The following HDAC9 variants were observed in gnomAD, a reference collection of about 807,000 sequenced individuals.
HDAC9 encodes the protein histone deacetylase 9.
A neutral mutation model predicts 139.4 loss-of-function variants in HDAC9; 41 were observed. The ratio of observed to expected loss-of-function variants is 0.29; its 90% confidence interval spans 0.23 to 0.38. HDAC9 has a LOEUF of 0.38. Ranked by LOEUF, HDAC9 falls within the 10% of genes least tolerant of loss-of-function variation. The probability of loss-of-function intolerance (pLI) is 1.00; values close to 1 mark genes in which losing one functional copy is unlikely to be tolerated. For missense variants in HDAC9, 1,147 were observed against 1,297.0 expected, an observed-to-expected ratio of 0.88 and a Z score of 1.78; for synonymous variants, 517 against 476.2, an observed-to-expected ratio of 1.09 and a Z score of -1.12.
intron 1 of HDAC9, among the ~76,000 whole-genome samples, chr7:18,413,636 T>C (rs550496455): frequency 1.2e-4 from 18 of 152,172 alleles, no homozygotes; most frequent in Non-Finnish European, 2.4e-4. Flanking sequence ...TCTTACTTTA[T>C]ACAATTTGCT....
At chr7:18,980,373 C>A (rs1784823625) in intron 25 of HDAC9, among the ~76,000 whole-genome samples, 1 of 152,172 alleles carries the variant, frequency 6.6e-6, no homozygotes. Context: ...TCCTTCAATC[C>A]TATCCTCTTA....
At chr7:18,791,636 C>G (rs1216043047) in intron 16 of HDAC9, among the ~76,000 whole-genome samples, 4 of 152,102 alleles carry the variant, frequency 2.6e-5, no homozygotes, top group Admixed American at 2.6e-4. Context: ...GGGATGCTGG[C>G]TCCTAGAAAG....
intron 22 of HDAC9, among the ~76,000 whole-genome samples, chr7:18,893,570 C>A (rs779350888): frequency 1.1e-4 from 17 of 152,154 alleles, no homozygotes; most frequent in Non-Finnish European, 2.5e-4. Context: ...CTATGTATTT[C>A]AACTGCCCAA....
chr7:18,115,573 T>A (rs570186139), intron 1 of HDAC9, among the ~76,000 whole-genome samples: 3 of 152,338 alleles, frequency 2.0e-5, no homozygotes, highest in Non-Finnish European at 4.4e-5. Flanking sequence ...TTATTTTATA[T>A]CCTTGAGGGA....
At chr7:18,444,911 T>C (rs1792150663) in intron 1 of HDAC9, among the ~76,000 whole-genome samples, 1 of 152,212 alleles carries the variant, frequency 6.6e-6, no homozygotes, top group African/African-American at 2.4e-5. Context: ...ATAGAAAATA[T>C]TATCTTTCTC....
intron 22 of HDAC9, among the ~76,000 whole-genome samples, chr7:18,903,213 G>C (rs1563040704): frequency 1.3e-5 from 2 of 152,194 alleles, no homozygotes; most frequent in Non-Finnish European, 2.9e-5. Flanking sequence ...ACCTGCATTT[G>C]GGTCCTGACT....
intron 12 of HDAC9, among the ~76,000 whole-genome samples, chr7:18,711,168 T>C (rs1784316870): frequency 6.6e-6 from 1 of 152,200 alleles, no homozygotes; most frequent in Admixed American, 6.5e-5. Context: ...ATTCAAAAGA[T>C]GGGGCAACTG....
At chr7:18,740,725 G>A (rs1787370781) in intron 13 of HDAC9, among the ~76,000 whole-genome samples, 1 of 152,240 alleles carries the variant, frequency 6.6e-6, no homozygotes, top group South Asian at 2.1e-4. Context: ...TAGTGAGGAA[G>A]TCATGTCAAA....
At chr7:18,484,525 T>C (rs1213880051) in intron 1 of HDAC9, among the ~76,000 whole-genome samples, 1 of 152,142 alleles carries the variant, frequency 6.6e-6, no homozygotes, top group African/African-American at 2.4e-5. Context: ...AGTTTTTGAA[T>C]ATTATGTCTG....
chr7:18,169,126 G>A (rs1023041920), intron 2 of HDAC9, among the ~76,000 whole-genome samples: 2 of 151,748 alleles, frequency 1.3e-5, no homozygotes, highest in Non-Finnish European at 2.9e-5. Context: ...TAGTAGAGAT[G>A]GGGTTTCACC....
At chr7:18,780,261 C>G (rs1791133026) in intron 16 of HDAC9, among the ~76,000 whole-genome samples, 1 of 152,016 alleles carries the variant, frequency 6.6e-6, no homozygotes, top group Admixed American at 6.6e-5. Flanking sequence ...CTCTGGGGAT[C>G]AAATATGTCA....
At chr7:18,462,490 T>C (rs111390473) in intron 1 of HDAC9, among the ~76,000 whole-genome samples, 1,668 of 152,136 alleles carry the variant, frequency 0.011, 30 homozygotes, top group African/African-American at 0.038. Context: ...ATAATGCCAG[T>C]GCATTAGAAT....
rs1047888884 is a variant in HDAC9, at chr7:18,935,327, A to C, written c.2804-482A>C. On this transcript the variant is annotated intron_variant, in intron 22 of 25. Coordinates refer to ENST00000686413, the MANE Select transcript of HDAC9 (RefSeq NM_178425.4). ...TAATGCTTATAAAATCTAATGTAAT[A>C]GATTTTACATTACATTAGATAATGT... Among the ~76,000 whole-genome samples the C allele has an allele frequency of 3.3e-4, 50 of 152,200 alleles. 1 individual carries two copies. Among genetic ancestry groups the C allele is most frequent in the Middle Eastern group, 3.2e-3 (1 of 316 alleles).
At chr7:18,620,210 A>C (rs1431817095) in intron 6 of HDAC9, among the ~76,000 whole-genome samples, 1 of 152,150 alleles carries the variant, frequency 6.6e-6, no homozygotes, top group Non-Finnish European at 1.5e-5. Context: ...TGAAACTTGC[A>C]ACCTTGTTTC....
chr7:18,636,640 C>T (rs1316902672), intron 8 of HDAC9, among the ~76,000 whole-genome samples: 2 of 152,090 alleles, frequency 1.3e-5, no homozygotes, highest in African/African-American at 4.8e-5. Flanking sequence ...TCAGGTCCCG[C>T]ATCTATTTCT....
chr7:18,116,387 A>G (rs899267167), intron 1 of HDAC9, among the ~76,000 whole-genome samples: 4 of 152,220 alleles, frequency 2.6e-5, no homozygotes, highest in Admixed American at 6.5e-5. Context: ...TCTGTCAACT[A>G]TCACTTTGAT....
intron 1 of HDAC9, among the ~76,000 whole-genome samples, chr7:18,328,760 TTA>T (rs1800668191): frequency 1.3e-5 from 2 of 151,962 alleles, no homozygotes; most frequent in African/African-American, 2.4e-5. Flanking sequence ...TGTAGTTTAT[TTA>T]TTTATTATTC....
At chr7:18,946,190 A>T (rs1300665003) in intron 23 of HDAC9, among the ~76,000 whole-genome samples, 1 of 151,712 alleles carries the variant, frequency 6.6e-6, no homozygotes, top group African/African-American at 2.4e-5. Context: ...TGTCTTAACT[A>T]CTGTAGTTTT....
chr7:18,634,366 G>T (rs1166366728), intron 7 of HDAC9, among the ~76,000 whole-genome samples: 1 of 148,832 alleles, frequency 6.7e-6, no homozygotes, highest in Non-Finnish European at 1.5e-5. Context: ...AAGCTCCTGT[G>T]ACCCTCTCTA....
Sources: gnomAD v4.1 joint callset for allele counts (sites outside exome capture counted in the v4.1 genomes callset) on GRCh38, gnomAD v4.1.1 for gene constraint, MANE v1.5 for transcripts, NCBI Gene and HGNC (gene_info 2026-07-23, HGNC 2026-07-21) for gene names.